HIPK2: variants seen among roughly 807,000 people sequenced by gnomAD.
The protein encoded by HIPK2 is homeodomain interacting protein kinase 2, also known as homeodomain-interacting protein kinase 2.
Under a neutral mutation model 113.7 loss-of-function variants are expected in HIPK2, and 27 were observed. The ratio of observed to expected loss-of-function variants is 0.24; its 90% CI spans 0.17 to 0.33. The LOEUF (loss-of-function observed/expected upper bound fraction) is 0.33, where lower values mean the gene tolerates loss of function less well. Among genes scored for constraint, HIPK2 ranks in the 10% least tolerant of loss-of-function variants. The probability of loss-of-function intolerance (pLI) is 1.00; values close to 1 mark genes in which losing one functional copy is unlikely to be tolerated. For missense variants in HIPK2, 1,257 were observed against 1,588.0 expected, an observed-to-expected ratio of 0.79 and a Z score of 3.54; for synonymous variants, 631 against 642.2, an observed-to-expected ratio of 0.98 and a Z score of 0.26.
intron 4 of HIPK2, among the ~76,000 whole-genome samples, chr7:139,629,885 T>C (rs1270726505): frequency 6.6e-6 from 1 of 151,944 alleles, no homozygotes; most frequent in Non-Finnish European, 1.5e-5. Context: ...TTACTGGACC[T>C]GACCTTGACA....
In HIPK2 at chr7:139,565,700, A is replaced by G. The variant is rs1346994749; in HGVS notation, c.*7227T>C. On this transcript the variant is annotated 3_prime_UTR_variant, in exon 15 of 15. Coordinates refer to ENST00000406875, the MANE Select transcript of HIPK2 (RefSeq NM_022740.5). Reference sequence around the variant, plus strand: ...TAAGTCTTGTCTTTCTTCCACCTCTACTTCTTTTTTTTTTTCTTTTTTTTT... The same window carrying G: ...TAAGTCTTGTCTTTCTTCCACCTCTGCTTCTTTTTTTTTTTCTTTTTTTTT... The G allele has an allele frequency of 6.9e-6, 1 of 145,964 alleles. No homozygotes were observed. Among genetic ancestry groups the G allele is most frequent in the African/African-American group, 2.5e-5 (1 of 39,772 alleles). The allele number at this position is 145,964 out of a possible 1,614,324, so 9.0% of individuals were successfully genotyped here. A position where few individuals can be genotyped will look rare whatever the true frequency, so the allele number is the denominator to read the frequency against.
At chr7:139,759,543 T>C (rs1796429240) in intron 1 of HIPK2, among the ~76,000 whole-genome samples, 1 of 152,236 alleles carries the variant, frequency 6.6e-6, no homozygotes. Context: ...CAAGATTATG[T>C]TGTTGTGCCA....
At chr7:139,662,172 C>T (rs1438487947) in intron 2 of HIPK2, among the ~76,000 whole-genome samples, 4 of 152,198 alleles carry the variant, frequency 2.6e-5, no homozygotes, top group African/African-American at 9.6e-5. Flanking sequence ...CCTCTTTAAT[C>T]CATGCTCTTT....
intron 2 of HIPK2, among the ~76,000 whole-genome samples, chr7:139,668,126 C>G (rs916218276): frequency 1.8e-5 from 1 of 55,658 alleles, no homozygotes. Context: ...AACTCCATCT[C>G]AAAAAAAAAA....
chr7:139,723,791 T>C (rs1416456421), intron 1 of HIPK2, among the ~76,000 whole-genome samples: 2 of 152,192 alleles, frequency 1.3e-5, no homozygotes, highest in Admixed American at 1.3e-4. Flanking sequence ...AGGGAGGTGA[T>C]CTCTAAAATA....
chr7:139,609,742 G>A (rs751582285), intron 9 of HIPK2, among the ~76,000 whole-genome samples: 6 of 152,084 alleles, frequency 3.9e-5, no homozygotes, highest in Admixed American at 6.5e-5. Flanking sequence ...ATATTGGCAT[G>A]GATTAAGTGA....
chr7:139,725,063 C>G (rs568683075), intron 1 of HIPK2, among the ~76,000 whole-genome samples: 2 of 152,072 alleles, frequency 1.3e-5, no homozygotes, highest in South Asian at 2.1e-4. Flanking sequence ...ATTAAGGGTC[C>G]TCTACATAAA....
intron 2 of HIPK2, among the ~76,000 whole-genome samples, chr7:139,671,631 A>C (rs1156566699): frequency 6.6e-6 from 1 of 152,060 alleles, no homozygotes; most frequent in Non-Finnish European, 1.5e-5. Context: ...GGCTCACTGC[A>C]ACCTCCGTCT....
chr7:139,674,906 C>T (rs1802442802), intron 2 of HIPK2, among the ~76,000 whole-genome samples: 1 of 152,200 alleles, frequency 6.6e-6, no homozygotes, highest in South Asian at 2.1e-4. Context: ...TCCTGCCATC[C>T]ACCCTGGCTC....
chr7:139,739,104 T>C (rs962751070), intron 1 of HIPK2, among the ~76,000 whole-genome samples: 2 of 152,108 alleles, frequency 1.3e-5, no homozygotes, highest in Non-Finnish European at 2.9e-5. Context: ...TTCGGGCAAG[T>C]TTTGTTTTTG....
chr7:139,703,817 C>A (rs1794788623), intron 2 of HIPK2, among the ~76,000 whole-genome samples: 1 of 136,468 alleles, frequency 7.3e-6, no homozygotes, highest in Non-Finnish European at 1.5e-5. Context: ...CCACACACTA[C>A]ACCCAACACA....
chr7:139,577,201 T>A (rs1798521598), intron 13 of HIPK2, among the ~76,000 whole-genome samples: 1 of 138,830 alleles, frequency 7.2e-6, no homozygotes, highest in Non-Finnish European at 1.5e-5. Context: ...CAGGCTGGAG[T>A]GCAATGGTGC....
At chr7:139,582,614 A>G (rs1313138132) in intron 13 of HIPK2, among the ~76,000 whole-genome samples, 3 of 152,258 alleles carry the variant, frequency 2.0e-5, no homozygotes, top group African/African-American at 7.2e-5. Flanking sequence ...CTCCAAAGTC[A>G]GGGAAAAAGA....
At chr7:139,667,792 A>G (rs540843070) in intron 2 of HIPK2, among the ~76,000 whole-genome samples, 9 of 152,272 alleles carry the variant, frequency 5.9e-5, no homozygotes, top group Non-Finnish European at 1.2e-4. Flanking sequence ...AATATATTCT[A>G]TTTTACTTTG....
chr7:139,651,443 G>T (rs1206867697), intron 2 of HIPK2, among the ~76,000 whole-genome samples: 1 of 152,160 alleles, frequency 6.6e-6, no homozygotes, highest in African/African-American at 2.4e-5. Flanking sequence ...AAAATCAAAA[G>T]CTCTGGCAAC....
At chr7:139,740,956 G>A (rs1384123252) in intron 1 of HIPK2, among the ~76,000 whole-genome samples, 1 of 152,128 alleles carries the variant, frequency 6.6e-6, no homozygotes. Flanking sequence ...AGACCAGCCT[G>A]GCCAACATGG....
At position 139,570,081 on chromosome 7, in the gene HIPK2, T is replaced by G. The variant is rs961943722; in HGVS notation, c.*2846A>C. 9 of 152,162 alleles carry G rather than the reference T, an allele frequency of 5.9e-5. No homozygotes were observed. The highest frequency in any genetic ancestry group is 1.3e-4 in the Admixed American group (2 of 15,270). The allele number at this position is 152,162 out of a possible 1,614,324, so 9.4% of individuals were successfully genotyped here. A position where few individuals can be genotyped will look rare whatever the true frequency, so the allele number is the denominator to read the frequency against. Reference sequence around the variant, plus strand: ...ATGAAAAGAACATTTTAAGCTGTCTTTCCCCCTAAAAGATCAGATCTAGAA... The same window carrying G: ...ATGAAAAGAACATTTTAAGCTGTCTGTCCCCCTAAAAGATCAGATCTAGAA... On this transcript the variant is annotated 3_prime_UTR_variant, in exon 15 of 15. Coordinates refer to ENST00000406875, the MANE Select transcript of HIPK2 (RefSeq NM_022740.5).
chr7:139,617,988 GACTT>G (rs1172782957), intron 7 of HIPK2, among the ~76,000 whole-genome samples: 1 of 152,208 alleles, frequency 6.6e-6, no homozygotes, highest in African/African-American at 2.4e-5. Context: ...ACCTCCATAA[GACTT>G]ACTTAAGACT....
At chr7:139,639,256 G>A (rs1460156103) in intron 2 of HIPK2, among the ~76,000 whole-genome samples, 1 of 152,194 alleles carries the variant, frequency 6.6e-6, no homozygotes, top group Non-Finnish European at 1.5e-5. Flanking sequence ...TCAAAGTCAA[G>A]TCTAAAATGT....
Sources: gnomAD v4.1 joint callset for allele counts (sites outside exome capture counted in the v4.1 genomes callset) on GRCh38, gnomAD v4.1.1 for gene constraint, MANE v1.5 for transcripts, NCBI Gene and HGNC (gene_info 2026-07-23, HGNC 2026-07-21) for gene names.